Variants in ATRX observed in about 807,000 individuals in gnomAD.
The protein encoded by ATRX is ATRX chromatin remodeler.
ATRX carries 12 observed loss-of-function variants against 172.6 expected under a neutral mutation model. The observed-to-expected ratio is 0.07, with a 90% CI of 0.04 to 0.11. The LOEUF is 0.11. ATRX is among the 10% of genes least tolerant of loss of function. The probability of loss-of-function intolerance (pLI) is 1.00; values close to 1 mark genes in which losing one functional copy is unlikely to be tolerated. For missense variants in ATRX, 1,368 were observed against 1,767.4 expected (o/e 0.77, Z 4.05); for synonymous variants, 674 against 594.7 (o/e 1.13, Z -1.94).
chrX:77,667,629 TC>T (rs1408064908), intron 10 of ATRX, among the ~76,000 whole-genome samples: 1 of 111,603 alleles, frequency 9.0e-6, no homozygotes, highest in Non-Finnish European at 1.9e-5. Flanking sequence ...AAAGAATATG[TC>T]TACTAAAAAA....
rs1233669692 is a variant in ATRX at position 77,575,372 on chromosome X, GA to G, written c.6218-1015del. ...TTATTTATGATTTTTTTTTCAATTA[GA>G]AAAAAAGGCATACACATCCAAGAAA... On this transcript the variant is annotated intron_variant, in intron 27 of 34. Coordinates refer to ENST00000373344, the MANE Select transcript of ATRX (RefSeq NM_000489.6). Among the ~76,000 whole-genome samples, 5 of 107,912 alleles carry G rather than the reference GA, an allele frequency of 4.6e-5. No individual in the cohort carries two copies. The East Asian group carries it at 1.2e-3, about 25-fold the overall frequency. 93.7% of individuals were successfully genotyped at this position (107,912 alleles called of 115,157 possible).
At chrX:77,716,211 T>C (rs1411683644) in intron 2 of ATRX, among the ~76,000 whole-genome samples, 5 of 83,431 alleles carry the variant, frequency 6.0e-5, no homozygotes, top group East Asian at 3.9e-4. Context: ...GGTGAGAAGA[T>C]TGCTTAAGCC....
intron 26 of ATRX, among the ~76,000 whole-genome samples, chrX:77,592,658 C>T (rs923868227): frequency 1.5e-4 from 16 of 107,191 alleles, no homozygotes; most frequent in African/African-American, 4.8e-4. Flanking sequence ...ACTAAAAATA[C>T]AAAATTAGCT....
chrX:77,544,456 G>A (rs1557052349), intron 30 of ATRX, among the ~76,000 whole-genome samples: 3 of 109,541 alleles, frequency 2.7e-5, no homozygotes, highest in Non-Finnish European at 5.7e-5. Flanking sequence ...TAGCGTACAT[G>A]TGCACATTGT....
intron 30 of ATRX, among the ~76,000 whole-genome samples, chrX:77,541,403 A>C (rs1251198367): frequency 8.9e-6 from 1 of 112,090 alleles, no homozygotes; most frequent in Non-Finnish European, 1.9e-5. Context: ...AGAGGAGCTG[A>C]TACCATTCCT....
chrX:77,682,463 A>G lies in ATRX; in HGVS notation c.2793T>C (p.Phe931=), dbSNP rs1557138845. The change falls in exon 9 of 35, where the codon TTT becomes TTC. Residue 931 remains phenylalanine, a synonymous_variant. Transcript: ENST00000373344. ...VDKLSGKEES[F]TSLEVRKVAE... ...CAACTTTTCTAACTTCCAAAGAAGT[A>G]AAACTCTCCTCTTTCCCAGAAAGCT... The G allele has an allele frequency of 2.5e-6, 3 of 1,211,499 alleles. No individual in the cohort carries two copies. Among genetic ancestry groups the G allele is most frequent in the Admixed American group, 4.3e-5 (2 of 46,016 alleles).
At chrX:77,759,791 C>A (rs1300635376) in intron 1 of ATRX, among the ~76,000 whole-genome samples, 1 of 111,337 alleles carries the variant, frequency 9.0e-6, no homozygotes, top group African/African-American at 3.3e-5. Context: ...TGCTGCCCAA[C>A]AGACATATAA....
At chrX:77,782,591 A>T (rs2076605836) in intron 1 of ATRX, among the ~76,000 whole-genome samples, 2 of 110,727 alleles carry the variant, frequency 1.8e-5, no homozygotes, top group South Asian at 7.6e-4. Context: ...CGTCTCTACT[A>T]AAAATACAAA....
At position 77,731,274 on chromosome X, in the gene ATRX, T is replaced by C. The variant is rs540385899; in HGVS notation, c.21-14031A>G. 9.0e-5 allele frequency among the ~76,000 whole-genome samples: 10 copies of C among 111,485 alleles called. No homozygotes were observed. The South Asian group carries it at 3.0e-3, about 33-fold the overall frequency. On this transcript the variant is annotated intron_variant, in intron 1 of 34. Transcript: ENST00000373344. Reference sequence around the variant, plus strand: ...AATTCCTAGACACAATCTACCAAGATTGAACCATGAACAAATCTGCAACCT... The same window carrying C: ...AATTCCTAGACACAATCTACCAAGACTGAACCATGAACAAATCTGCAACCT...
At chrX:77,546,497 ATT>A (rs375224408) in intron 30 of ATRX, among the ~76,000 whole-genome samples, 3 of 103,398 alleles carry the variant, frequency 2.9e-5, no homozygotes, top group African/African-American at 7.0e-5. Flanking sequence ...AGGAATCTGC[ATT>A]TTTTTTTTTT....
At chrX:77,669,699 T>C (rs1557128522) in intron 10 of ATRX, among the ~76,000 whole-genome samples, 1 of 111,618 alleles carries the variant, frequency 9.0e-6, no homozygotes, top group African/African-American at 3.3e-5. Context: ...AGCTTTAATT[T>C]TTTTTTTAAT....
At chrX:77,550,390 G>T (rs1316063265) in intron 30 of ATRX, among the ~76,000 whole-genome samples, 2 of 111,909 alleles carry the variant, frequency 1.8e-5, no homozygotes, top group Non-Finnish European at 3.8e-5. Context: ...AATAGATGCA[G>T]AAAAGGCCTT....
intron 7 of ATRX, among the ~76,000 whole-genome samples, chrX:77,688,000 C>T (rs1010487488): frequency 9.0e-6 from 1 of 111,619 alleles, no homozygotes; most frequent in Non-Finnish European, 1.9e-5. Flanking sequence ...TACAATGGCG[C>T]GATCTCGACT....
At chrX:77,779,979 GAACT>G (rs1182928518) in intron 1 of ATRX, among the ~76,000 whole-genome samples, 3 of 111,839 alleles carry the variant, frequency 2.7e-5, no homozygotes, top group African/African-American at 9.7e-5. Flanking sequence ...CAACCGGCTA[GAACT>G]AACATAGGTA....
chrX:77,712,722 A>G (rs920809540), intron 2 of ATRX, among the ~76,000 whole-genome samples: 8 of 111,533 alleles, frequency 7.2e-5, no homozygotes, highest in Admixed American at 2.9e-4. Flanking sequence ...CCAGCTACTT[A>G]AGAGGCTGAG....
chrX:77,697,587 T>C lies in ATRX; in HGVS notation c.238A>G (p.Lys80Glu). The change falls in exon 4 of 35, where the codon AAG (lysine) becomes GAG (glutamate). Residue 80 changes from lysine to glutamate, a missense_variant. Lys to Glu is a moderately conservative substitution (Grantham distance 56). This residue lies in a region of ATRX where 84 missense variants were observed against 82.8 expected (regional missense o/e 1.01). Coordinates refer to ENST00000373344, the MANE Select transcript of ATRX (RefSeq NM_000489.6). ...KSKSSGSSRS[K>E]RKPSIVTKYV... Reference sequence around the variant, plus strand: ...GTCCCTTCAACATCAACCAACCTCTTTGATCGTGACGATCCTGAAGACTTG... The same window carrying C: ...GTCCCTTCAACATCAACCAACCTCTCTGATCGTGACGATCCTGAAGACTTG... The C allele has an allele frequency of 8.3e-7, 1 of 1,210,826 alleles. No homozygotes were observed. Among genetic ancestry groups the C allele is most frequent in the Non-Finnish European group, 1.1e-6 (1 of 894,845 alleles).
At chrX:77,615,445 G>C (rs1350564534) in intron 22 of ATRX, among the ~76,000 whole-genome samples, 1 of 111,641 alleles carries the variant, frequency 9.0e-6, no homozygotes, top group Non-Finnish European at 1.9e-5. Flanking sequence ...ATTAAAGACA[G>C]ATCTGAACAT....
chrX:77,772,870 C>T (rs1302684283), intron 1 of ATRX, among the ~76,000 whole-genome samples: 2 of 101,388 alleles, frequency 2.0e-5, no homozygotes, highest in South Asian at 4.6e-4. Context: ...TTTTGAGAGA[C>T]GGGGTCTTGC....
At chrX:77,659,436 C>T (rs189412948) in intron 12 of ATRX, among the ~76,000 whole-genome samples, 263 of 108,344 alleles carry the variant, frequency 2.4e-3, no homozygotes, top group Non-Finnish European at 4.4e-3. Context: ...CCTAAATTCA[C>T]TTATTGTTAG....
Sources: allele counts gnomAD v4.1 joint callset (sites outside exome capture counted in the v4.1 genomes callset), GRCh38; gene constraint gnomAD v4.1.1; regional missense constraint gnomAD v4.1.1; transcripts MANE v1.5; gene names NCBI Gene and HGNC (gene_info 2026-07-23, HGNC 2026-07-21).